EFHB: variants seen among roughly 807,000 people sequenced by gnomAD.
EFHB encodes EF-hand domain-containing family member B.
A neutral mutation model predicts 87.2 loss-of-function variants in EFHB; 91 were observed. The ratio of observed to expected loss-of-function variants is 1.04; its 90% CI spans 0.88 to 1.24. The LOEUF (loss-of-function observed/expected upper bound fraction) is 1.24, where lower values mean the gene tolerates loss of function less well. Ranked by LOEUF, EFHB falls within the 50% of genes most tolerant of loss-of-function variation. The pLI is 0.00. For synonymous variants in EFHB, 325 were observed against 333.6 expected (o/e 0.97, Z 0.28); for missense variants, 1,084 against 998.8 (o/e 1.09, Z -1.15).
intron 4 of EFHB, 100 bp from the exon 5 acceptor site, chr3:19,915,513 T>C (rs1009519979): frequency 1.0e-4 from 74 of 714,046 alleles, no homozygotes; most frequent in Non-Finnish European, 1.5e-4. Context: ...GTATGCTGGA[T>C]GCAAGGCTAC....
At chr3:19,914,869 C>T (rs543180059) in intron 5 of EFHB, among the ~76,000 whole-genome samples, 36 of 152,038 alleles carry the variant, frequency 2.4e-4, no homozygotes, top group Admixed American at 1.9e-3. Flanking sequence ...GTGGGAGGAT[C>T]GCTTGAGCTC....
At chr3:19,910,014 A>T (rs1248359058) in intron 5 of EFHB, among the ~76,000 whole-genome samples, 1 of 151,868 alleles carries the variant, frequency 6.6e-6, no homozygotes, top group African/African-American at 2.4e-5. Context: ...TTCAGAAGAG[A>T]CTTAGCACAT....
chr3:19,887,735 A>T (rs1435824717), intron 10 of EFHB, among the ~76,000 whole-genome samples: 1 of 152,250 alleles, frequency 6.6e-6, no homozygotes, highest in Non-Finnish European at 1.5e-5. Context: ...GCTGTCTTGA[A>T]CCAAGGGTTG....
intron 3 of EFHB, among the ~76,000 whole-genome samples, chr3:19,919,115 A>G (rs1451196731): frequency 6.6e-6 from 1 of 152,126 alleles, no homozygotes; most frequent in Non-Finnish European, 1.5e-5. Context: ...CAGATAACCA[A>G]CATTTTGACT....
intron 1 of EFHB, among the ~76,000 whole-genome samples, chr3:19,944,997 T>C (rs13097697): frequency 0.17 from 26,085 of 152,252 alleles, 2,188 homozygotes; most frequent in South Asian, 0.21. Context: ...ACAGCCATTA[T>C]ACAGAGTAAG....
intron 9 of EFHB, among the ~76,000 whole-genome samples, chr3:19,891,071 T>TTGC (rs112082094): frequency 6.7e-5 from 10 of 149,992 alleles, no homozygotes; most frequent in Non-Finnish European, 1.0e-4. Context: ...GTTGTTGTTA[T>TTGC]TGCTGCTGCT....
intron 1 of EFHB, 76 bp downstream of exon 1, chr3:19,933,154 T>C (rs1228622818): frequency 6.9e-7 from 1 of 1,458,214 alleles, no homozygotes; most frequent in Non-Finnish European, 9.1e-7. Flanking sequence ...CCAAAACAAA[T>C]TTTATCACTT....
intron 1 of EFHB, among the ~76,000 whole-genome samples, chr3:19,940,116 C>T (rs1348267822): frequency 1.3e-5 from 2 of 152,112 alleles, no homozygotes; most frequent in Non-Finnish European, 2.9e-5. Context: ...TATGAGATTA[C>T]AGGCCTTTTT....
At chr3:19,923,780 TAAAC>T (rs1363516491) in intron 1 of EFHB, among the ~76,000 whole-genome samples, 2 of 152,132 alleles carry the variant, frequency 1.3e-5, no homozygotes, top group Non-Finnish European at 2.9e-5. Context: ...AAAATGTAAA[TAAAC>T]AAAAGAGATT....
intron 10 of EFHB, among the ~76,000 whole-genome samples, chr3:19,887,691 A>T (rs992445218): frequency 5.3e-5 from 8 of 152,218 alleles, no homozygotes; most frequent in Admixed American, 4.6e-4. Context: ...GCGTTTTAAG[A>T]AAGTTTACAA....
chr3:19,908,595 AGAG>A lies in EFHB; in HGVS notation c.1289-2849_1289-2847del, dbSNP rs1694936195. On this transcript the variant is annotated intron_variant, in intron 5 of 12. Coordinates refer to ENST00000295824, the MANE Select transcript of EFHB (RefSeq NM_144715.4). ...GAGAGAGAGAGAGAGAGAGAGAGAG[AGAG>A]AGAAAGAAAGAAAGAAAGAAAGAAA... is the stretch of plus-strand genomic sequence containing the variant. Among the ~76,000 whole-genome samples the A allele has an allele frequency of 6.9e-3, 711 of 102,910 alleles. 2 individuals carry two copies. Among genetic ancestry groups the A allele is most frequent in the East Asian group, 0.022 (70 of 3,246 alleles). 67.5% of individuals were successfully genotyped at this position (102,910 alleles called of 152,430 possible). A position where few individuals can be genotyped will look rare whatever the true frequency, so the allele number is the denominator to read the frequency against.
upstream of EFHB, among the ~76,000 whole-genome samples, chr3:19,935,567 C>T (rs535964461): frequency 1.4e-4 from 21 of 151,730 alleles, no homozygotes; most frequent in Non-Finnish European, 2.5e-4. Flanking sequence ...TAAAAATTAG[C>T]TGGGCATGGT....
intron 1 of EFHB, among the ~76,000 whole-genome samples, chr3:19,929,655 G>T (rs1695759178): frequency 7.1e-6 from 1 of 140,834 alleles, no homozygotes; most frequent in Non-Finnish European, 1.5e-5. Flanking sequence ...ATTGCAGCGA[G>T]CCGAGATGGT....
intron 9 of EFHB, chr3:19,894,989 A>AAAAAATATATATATAT (rs369564576): frequency 1.4e-5 from 2 of 144,524 alleles, no homozygotes; most frequent in African/African-American, 5.3e-5. Flanking sequence ...TGTCTCAAAA[A>AAAAAATATATATATAT]ATATATATAT....
chr3:19,892,672 A>G (rs867224098), intron 9 of EFHB, among the ~76,000 whole-genome samples: 19 of 152,264 alleles, frequency 1.2e-4, no homozygotes, highest in Middle Eastern at 3.4e-3. Context: ...GATAATAACC[A>G]CTTGGTTGAG....
chr3:19,924,307 A>T (rs1304078926), intron 1 of EFHB, among the ~76,000 whole-genome samples: 1 of 149,306 alleles, frequency 6.7e-6, no homozygotes, highest in African/African-American at 2.5e-5. Context: ...TCCGCCTCCC[A>T]GGTTCAAGTG....
In EFHB at chr3:19,879,718, G is replaced by A; in HGVS notation, c.2415C>T (p.His805=). The A allele has an allele frequency of 6.2e-7, 1 of 1,610,534 alleles. No individual in the cohort carries two copies. The highest frequency in any genetic ancestry group is 8.5e-7 in the Non-Finnish European group (1 of 1,178,996). Residue 805 remains histidine, a synonymous_variant, in exon 13 of 13, where the codon CAC becomes CAT. Coordinates refer to ENST00000295824, the MANE Select transcript of EFHB (RefSeq NM_144715.4). ...NVWNLASKKH[H]RGEVCVENIR... ...TGTTCTCAACACAAACTTCTCCTCT[G>A]TGATGCTTTTTTGATGCAAGATTCC...
At chr3:19,894,989 A>AATATATATAT (rs1553629698) in intron 9 of EFHB, 2 of 144,524 alleles carry the variant, frequency 1.4e-5, no homozygotes, top group Non-Finnish European at 3.0e-5. Flanking sequence ...TGTCTCAAAA[A>AATATATATAT]ATATATATAT....
At chr3:19,926,756 GC>G (rs1450589503) in intron 1 of EFHB, among the ~76,000 whole-genome samples, 5 of 151,476 alleles carry the variant, frequency 3.3e-5, no homozygotes, top group African/African-American at 1.2e-4. Context: ...CGCCTCCCGG[GC>G]TCAAGTGATT....
Sources: allele counts gnomAD v4.1 joint callset (sites outside exome capture counted in the v4.1 genomes callset), GRCh38; gene constraint gnomAD v4.1.1; transcripts MANE v1.5; gene names NCBI Gene and HGNC (gene_info 2026-07-23, HGNC 2026-07-21).